The following CDK13 variants were observed in gnomAD, a reference collection of about 807,000 sequenced individuals.
The protein encoded by CDK13 is cyclin dependent kinase 13.
Under a neutral mutation model 137.6 loss-of-function variants are expected in CDK13, and 40 were observed. That is an observed-to-expected ratio of 0.29 (90% CI 0.23 to 0.38). CDK13 has a LOEUF of 0.38. Among genes scored for constraint, CDK13 ranks in the 10% least tolerant of loss-of-function variants. CDK13 has a pLI of 1.00. For missense variants in CDK13, 1,704 were observed against 1,951.8 expected (o/e 0.87, Z 2.39); for synonymous variants, 869 against 760.1 (o/e 1.14, Z -2.36).
chr7:39,951,238 C>G lies in CDK13; in HGVS notation c.597C>G (p.Arg199=). ...RRGEGSERRP[R]RDRRSSSGRS... ...GGGAGGGGTCGGAGCGCAGGCCCCGCCGGGACCGCCGCAGCAGCAGTGGCC... is the reference window on the plus strand; with the variant it reads ...GGGAGGGGTCGGAGCGCAGGCCCCGGCGGGACCGCCGCAGCAGCAGTGGCC... Residue 199 remains arginine (R), a synonymous_variant, in exon 1 of 14, where the codon CGC becomes CGG. Transcript: ENST00000181839. The G allele has an allele frequency of 7.8e-7, 1 of 1,287,976 alleles. No homozygotes were observed. Among genetic ancestry groups the G allele is most frequent in the Non-Finnish European group, 9.8e-7 (1 of 1,021,604 alleles). 79.8% of individuals were successfully genotyped at this position (1,287,976 alleles called of 1,614,324 possible).
chr7:39,987,776 G>GGCAGCAAGAGCCGCAGAA lies in CDK13; in HGVS notation c.1395_1412dup (p.Arg466_Ala471dup), dbSNP rs1324701961. The GGCAGCAAGAGCCGCAGAA allele has an allele frequency of 4.3e-6, 7 of 1,614,066 alleles. No homozygotes were observed. Among genetic ancestry groups the GGCAGCAAGAGCCGCAGAA allele is most frequent in the East Asian group, 2.2e-5 (1 of 44,880 alleles). On this transcript the variant is annotated inframe_insertion, in exon 2 of 14. Transcript: ENST00000181839. Reference sequence around the variant, plus strand: ...AGAATAAAAAAGCACGAGCAGCAGAGGCAGCAAGAGCCGCAGAAGCAGCGA... The same window carrying GGCAGCAAGAGCCGCAGAA: ...AGAATAAAAAAGCACGAGCAGCAGAGGCAGCAAGAGCCGCAGAAGCAGCAAGAGCCGCAGAAGCAGCGA...
At position 39,950,684 on chromosome 7, in the gene CDK13, C is replaced by T. The variant is rs745696751; in HGVS notation, c.43C>T (p.Leu15=). 1.7e-5 allele frequency: 24 copies of T among 1,415,606 alleles called. No homozygotes were observed. In the South Asian group the frequency reaches 2.9e-4, roughly 17 times the overall value. The allele number at this position is 1,415,606 out of a possible 1,614,324, so 87.7% of individuals were successfully genotyped here. ...CACGGCGCTGGGGGGAGGCGGGGGC[C>T]TGAGCTGGGCGGAGAAGAAGTTGGA... ...SDTALGGGGG[L]SWAEKKLEER... The change falls in exon 1 of 14, where the codon CTG becomes TTG. Residue 15 remains leucine (L), a synonymous_variant. Transcript: ENST00000181839.
At position 40,078,833 on chromosome 7, in the gene CDK13, C is replaced by T. The variant is rs2150536481; in HGVS notation, c.3011C>T (p.Ser1004Leu). Reference sequence around the variant, plus strand: ...GAGTTCCTCCGAGATGTGGAACCCTCAAAAATGCCTCCACCAGAGTAAGTG... The same window carrying T: ...GAGTTCCTCCGAGATGTGGAACCCTTAAAAATGCCTCCACCAGAGTAAGTG... Reference protein sequence around the residue: ...QCEFLRDVEPSKMPPPDLPLW... With the variant: ...QCEFLRDVEPLKMPPPDLPLW... The change falls in exon 11 of 14, where the codon TCA (serine) becomes TTA (leucine). Residue 1004 changes from serine (S) to leucine (L), a missense_variant. By Grantham distance (145) the Ser-to-Leu change is moderately radical. Around this residue, in one of 5 missense-constraint regions of CDK13, gnomAD observed 45 missense variants for 57.0 expected, o/e 0.79. Coordinates refer to ENST00000181839, the MANE Select transcript of CDK13 (RefSeq NM_003718.5). 2.7e-6 allele frequency: 4 copies of T among 1,460,014 alleles called. No individual in the cohort carries two copies. Among genetic ancestry groups the T allele is most frequent in the East Asian group, 2.6e-5 (1 of 38,244 alleles). 90.4% of individuals were successfully genotyped at this position (1,460,014 alleles called of 1,614,324 possible).
chr7:40,075,943 C>T (rs1786535539), intron 9 of CDK13, among the ~76,000 whole-genome samples: 1 of 152,176 alleles, frequency 6.6e-6, no homozygotes, highest in African/African-American at 2.4e-5. Context: ...TAGTGTTCCT[C>T]CCAAATGTCT....
chr7:39,977,122 T>C (rs1416286861), intron 1 of CDK13, among the ~76,000 whole-genome samples: 4 of 152,192 alleles, frequency 2.6e-5, no homozygotes, highest in Non-Finnish European at 4.4e-5. Context: ...TGAAGTCCTT[T>C]ATGCTAGTCC....
At chr7:39,987,578 A>T (rs2116262349) in intron 1 of CDK13, 21 bp from the exon 2 acceptor site, 1 of 1,547,226 alleles carries the variant, frequency 6.5e-7, no homozygotes, top group Non-Finnish European at 8.7e-7. Context: ...TACTGATTAA[A>T]TCTTAATTAT....
chr7:40,013,252 TAA>T (rs1009668860), intron 5 of CDK13, among the ~76,000 whole-genome samples: 2 of 152,124 alleles, frequency 1.3e-5, no homozygotes, highest in African/African-American at 2.4e-5. Context: ...ACTAGGGGCT[TAA>T]GAGAGAGAGG....
intron 7 of CDK13, among the ~76,000 whole-genome samples, chr7:40,055,821 A>G (rs535310846): frequency 4.6e-5 from 7 of 152,204 alleles, no homozygotes; most frequent in African/African-American, 1.4e-4. Flanking sequence ...GGCTCAAGCA[A>G]TCCTTAGGCC....
chr7:39,956,082 A>G (rs1415952143), intron 1 of CDK13, among the ~76,000 whole-genome samples: 1 of 152,178 alleles, frequency 6.6e-6, no homozygotes, highest in Non-Finnish European at 1.5e-5. Flanking sequence ...ATATGAAATG[A>G]AGATATTCCG....
At chr7:40,002,085 A>G (rs763213335) in intron 5 of CDK13, 54 bp downstream of exon 5, 219 of 1,351,728 alleles carry the variant, frequency 1.6e-4, no homozygotes, top group Non-Finnish European at 2.2e-4. Flanking sequence ...TGATGTTGCT[A>G]ACTTGGAAAT....
intron 5 of CDK13, among the ~76,000 whole-genome samples, chr7:40,044,210 T>TA (rs1785681859): frequency 6.6e-6 from 1 of 152,098 alleles, no homozygotes; most frequent in South Asian, 2.1e-4. Context: ...TTTTGTATAA[T>TA]TCTTGTTAAA....
chr7:39,951,000 T>C lies in CDK13; in HGVS notation c.359T>C (p.Val120Ala), dbSNP rs949933113. ...RAGQEAEKRR[V>A]FSLPQPQQDG... is the part of the protein sequence containing the mutation. ...GGGCAGGAGGCGGAGAAGCGTCGGG[T>C]CTTCTCGCTGCCCCAGCCGCAGCAG... is the stretch of plus-strand genomic sequence containing the variant. The change falls in exon 1 of 14, where the codon GTC becomes GCC. Residue 120 changes from valine (V) to alanine (A), a missense_variant. By Grantham distance (64) the Val-to-Ala change is moderately conservative (BLOSUM62 0). Around this residue, in one of 5 missense-constraint regions of CDK13, gnomAD observed 1,051 missense variants for 931.0 expected, o/e 1.13. Coordinates refer to ENST00000181839, the MANE Select transcript of CDK13 (RefSeq NM_003718.5). 5 of 1,306,668 alleles carry C rather than the reference T, an allele frequency of 3.8e-6. No individual in the cohort carries two copies. The highest frequency in any genetic ancestry group is 4.8e-6 in the Non-Finnish European group (5 of 1,031,524). The allele number at this position is 1,306,668 out of a possible 1,614,324, so 80.9% of individuals were successfully genotyped here.
At chr7:39,952,679 G>A (rs148631163) in intron 1 of CDK13, 2 of 152,214 alleles carry the variant, frequency 1.3e-5, no homozygotes, top group African/African-American at 4.8e-5. Flanking sequence ...TACTTTAAAA[G>A]CTAAGTAGAC....
chr7:39,962,899 G>T (rs1166004813), intron 1 of CDK13, among the ~76,000 whole-genome samples: 1 of 152,098 alleles, frequency 6.6e-6, no homozygotes, highest in African/African-American at 2.4e-5. Context: ...CCCATTTCTT[G>T]TTTTTGTCAG....
intron 1 of CDK13, among the ~76,000 whole-genome samples, chr7:39,953,585 A>G (rs115274747): frequency 0.026 from 4,006 of 152,262 alleles, 161 homozygotes; most frequent in African/African-American, 0.092. Flanking sequence ...ATATTTAGCA[A>G]GTATTTTTTG....
intron 5 of CDK13, among the ~76,000 whole-genome samples, chr7:40,016,252 A>G (rs971666507): frequency 2.0e-5 from 3 of 152,188 alleles, no homozygotes; most frequent in Non-Finnish European, 2.9e-5. Context: ...GGATTGTTTT[A>G]CTTTTGCCAC....
At chr7:40,042,219 C>T (rs1785622441) in intron 5 of CDK13, among the ~76,000 whole-genome samples, 1 of 151,978 alleles carries the variant, frequency 6.6e-6, no homozygotes, top group Non-Finnish European at 1.5e-5. Context: ...GCTGGGATTA[C>T]AGGCTTGTAC....
intron 9 of CDK13, among the ~76,000 whole-genome samples, chr7:40,075,635 T>G (rs1325080054): frequency 6.6e-6 from 1 of 152,148 alleles, no homozygotes; most frequent in East Asian, 1.9e-4. Flanking sequence ...GCAATGTAAT[T>G]TGACCGATGT....
At chr7:40,042,707 C>G (rs1440051887) in intron 5 of CDK13, among the ~76,000 whole-genome samples, 1 of 143,236 alleles carries the variant, frequency 7.0e-6, no homozygotes, top group East Asian at 2.0e-4. Context: ...TCAAAACTTA[C>G]GGCCTCAAGC....
Sources: gnomAD v4.1 joint callset for allele counts (sites outside exome capture counted in the v4.1 genomes callset) on GRCh38, gnomAD v4.1.1 for gene constraint, gnomAD v4.1.1 regional missense constraint, MANE v1.5 for transcripts, NCBI Gene and HGNC (gene_info 2026-07-23, HGNC 2026-07-21) for gene names.